Variants in MYCBPAP observed in about 807,000 individuals in gnomAD.
The protein encoded by MYCBPAP is MYCBP-associated protein.
A neutral mutation model predicts 106.1 loss-of-function variants in MYCBPAP; 60 were observed. The ratio of observed to expected loss-of-function variants is 0.57; its 90% CI spans 0.46 to 0.70. The LOEUF (loss-of-function observed/expected upper bound fraction) is 0.70. Ranked by LOEUF, MYCBPAP falls within the 30% of genes least tolerant of loss-of-function variation. The pLI, the probability that MYCBPAP is intolerant of heterozygous loss-of-function variation, is 0.00. For missense variants in MYCBPAP, 1,064 were observed against 1,169.3 expected (o/e 0.91, Z 1.31); for synonymous variants, 407 against 440.6 (o/e 0.92, Z 0.95).
intron 18 of MYCBPAP, among the ~76,000 whole-genome samples, 186 bp from the exon 19 acceptor site, chr17:50,531,141 G>T (rs1190943748): frequency 3.9e-5 from 4 of 103,650 alleles, no homozygotes; most frequent in Non-Finnish European, 7.6e-5. Flanking sequence ...GACAGAGTGA[G>T]ATCCTGTCAA....
chr17:50,508,116 G>C (rs2033680427), upstream of MYCBPAP, among the ~76,000 whole-genome samples: 1 of 145,600 alleles, frequency 6.9e-6, no homozygotes, highest in Admixed American at 6.8e-5. Context: ...CCACGAAGGG[G>C]TTTCAGCACG....
In MYCBPAP at chr17:50,523,705, G is replaced by C; in HGVS notation, c.1556G>C (p.Gly519Ala). 1.2e-6 allele frequency: 2 copies of C among 1,614,180 alleles called. No homozygotes were observed. The highest frequency in any genetic ancestry group is 1.7e-6 in the Non-Finnish European group (2 of 1,180,034). Reference protein sequence around the residue: ...WEFRTHPTLLGGAILQVNLHA... With the variant: ...WEFRTHPTLLAGAILQVNLHA... ...TTTCGAACCCATCCTACTCTATTAG[G>C]AGGTGCTATACTGCAGGTCAATCTC... The change falls in exon 12 of 19, where the codon GGA becomes GCA. Residue 519 changes from glycine to alanine, a missense_variant. Coordinates refer to ENST00000323776, the MANE Select transcript of MYCBPAP (RefSeq NM_032133.6).
In MYCBPAP at chr17:50,508,764, G is replaced by T. The variant is rs149713939; in HGVS notation, c.76+14G>T. ...AGAATGTCAAAGGTTGGCGCTGGCT[G>T]CCTTGGGCGCTCGGGAGAACCCGAG... On this transcript the variant is annotated intron_variant, in intron 1 of 18. Transcript: ENST00000323776. The T allele has an allele frequency of 6.2e-7, 1 of 1,603,214 alleles. No homozygotes were observed. The highest frequency in any genetic ancestry group is 8.5e-7 in the Non-Finnish European group (1 of 1,173,580).
intron 1 of MYCBPAP, among the ~76,000 whole-genome samples, chr17:50,510,581 C>G (rs1324790217): frequency 7.2e-5 from 10 of 139,754 alleles, no homozygotes; most frequent in African/African-American, 2.6e-4. Context: ...GATGGAGTGC[C>G]GTGGTACAGT....
chr17:50,525,051 CT>C (rs1290832134), intron 13 of MYCBPAP, 28 bp downstream of exon 13: 4 of 1,598,032 alleles, frequency 2.5e-6, no homozygotes, highest in African/African-American at 2.7e-5. Flanking sequence ...CCCCTGCCCC[CT>C]CATGTGTGCC....
chr17:50,511,961 C>A (rs1170341250), intron 1 of MYCBPAP, among the ~76,000 whole-genome samples: 1 of 152,072 alleles, frequency 6.6e-6, no homozygotes, highest in Admixed American at 6.6e-5. Context: ...AACCAAAGAT[C>A]AGATGCCTGA....
At chr17:50,508,142 TC>T (rs35865545), upstream of MYCBPAP, among the ~76,000 whole-genome samples, 83,879 of 151,616 alleles carry the variant, frequency 0.55, 25,890 homozygotes, top group African/African-American at 0.85. Flanking sequence ...AAAGGCCCGA[TC>T]CCCCCCCAGA....
intron 18 of MYCBPAP, 58 bp from the exon 19 acceptor site, chr17:50,531,269 A>G: frequency 8.6e-7 from 1 of 1,160,022 alleles, no homozygotes; most frequent in Non-Finnish European, 1.2e-6. Flanking sequence ...AGCATAGTTC[A>G]TATATAGGTG....
At position 50,508,540 on chromosome 17, in the gene MYCBPAP, C is replaced by T. The variant is rs746376121; in HGVS notation, c.-135C>T. On this transcript the variant is annotated 5_prime_UTR_variant, in exon 1 of 19. Coordinates refer to ENST00000323776, the MANE Select transcript of MYCBPAP (RefSeq NM_032133.6). Reference sequence around the variant, plus strand: ...CCAAGCCGTCTCCGCCCAAGTTGATCGGTGGATGCGCGCCCCCGCGCGGGG... The same window carrying T: ...CCAAGCCGTCTCCGCCCAAGTTGATTGGTGGATGCGCGCCCCCGCGCGGGG... 9 of 1,538,882 alleles carry T rather than the reference C, an allele frequency of 5.8e-6. No individual in the cohort carries two copies. The highest frequency in any genetic ancestry group is 8.7e-7 in the Non-Finnish European group (1 of 1,143,930).
intron 14 of MYCBPAP, 35 bp from the exon 15 acceptor site, chr17:50,527,252 G>A: frequency 6.2e-7 from 1 of 1,612,868 alleles, no homozygotes; most frequent in Non-Finnish European, 8.5e-7. Flanking sequence ...CAGCCTTGGT[G>A]TCCTGGTGCA....
Position 50,518,653 on chromosome 17 carries a change from C to T in MYCBPAP, c.581C>T (p.Pro194Leu). Residue 194 changes from proline to leucine, a missense_variant, in exon 5 of 19, where the codon CCT becomes CTT. Physicochemically the swap from Pro to Leu is moderately conservative, Grantham distance 98 (BLOSUM62 -3). Coordinates refer to ENST00000323776, the MANE Select transcript of MYCBPAP (RefSeq NM_032133.6). ...EEKRPPWAPP[P>L]QHNFLKNWQR... The stretch of plus-strand genomic sequence containing the variant: ...AAGAGACCTCCCTGGGCCCCACCTC[C>T]TCAGCACAACTTTCTGAAAAACTGG... 1 of 1,607,520 alleles carries T rather than the reference C, an allele frequency of 6.2e-7. No individual in the cohort carries two copies.
intron 13 of MYCBPAP, among the ~76,000 whole-genome samples, chr17:50,525,364 G>A (rs991326830): frequency 6.6e-6 from 1 of 152,244 alleles, no homozygotes; most frequent in South Asian, 2.1e-4. Context: ...AAAGGTTGGG[G>A]ACTGCTGCCC....
Position 50,523,122 on chromosome 17 carries a change from C to G in MYCBPAP, c.1441C>G (p.Arg481Gly), listed in dbSNP as rs758808311. ...GATGCAGCGATTTTACTTTGACAAC[C>G]GGGAAGGTACTCGGGAGAAGCCACC... Reference protein sequence around the residue: ...NRMQRFYFDNREGVILPGEIK... With the variant: ...NRMQRFYFDNGEGVILPGEIK... The change falls in exon 11 of 19, where the codon CGG (arginine) becomes GGG (glycine). Residue 481 changes from arginine to glycine, a missense_variant. Coordinates refer to ENST00000323776, the MANE Select transcript of MYCBPAP (RefSeq NM_032133.6). The G allele has an allele frequency of 3.7e-6, 6 of 1,613,188 alleles. No individual in the cohort carries two copies. The highest frequency in any genetic ancestry group is 1.7e-5 in the Admixed American group (1 of 59,994).
At position 50,529,237 on chromosome 17, in the gene MYCBPAP, T is replaced by C. The variant is rs144605600; in HGVS notation, c.2724+49T>C. ...ATTCCCCTGCCTCCCACCTGCCTTA[T>C]TCATTCCGTTCAGTCTGCAGACAAT... On this transcript the variant is annotated intron_variant, in intron 18 of 18. Coordinates refer to ENST00000323776, the MANE Select transcript of MYCBPAP (RefSeq NM_032133.6). 1.8e-3 allele frequency: 2,738 copies of C among 1,542,248 alleles called. 52 individuals carry two copies. In the African/African-American group the frequency reaches 0.033, roughly 19 times the overall value.
rs1482049208 is a variant in MYCBPAP at position 50,519,799 on chromosome 17, G to A, written c.916+12G>A. 2.5e-6 allele frequency: 4 copies of A among 1,611,750 alleles called. No individual in the cohort carries two copies. Among genetic ancestry groups the A allele is most frequent in the Non-Finnish European group, 3.4e-6 (4 of 1,179,174 alleles). On this transcript the variant is annotated intron_variant, in intron 7 of 18. Coordinates refer to ENST00000323776, the MANE Select transcript of MYCBPAP (RefSeq NM_032133.6). ...CCGGGTGGAGACAGGTGAGGCGCAG[G>A]GCTGTAAGCCAGCTAGCATCTTGTG...
At chr17:50,518,436 C>T (rs2034131967) in intron 4 of MYCBPAP, 105 bp from the exon 5 acceptor site, 2 of 981,456 alleles carry the variant, frequency 2.0e-6, no homozygotes, top group Non-Finnish European at 2.9e-6. Context: ...GAGGGACTCT[C>T]AGCGCAGTGG....
At chr17:50,527,906 C>A (rs1406565097) in intron 15 of MYCBPAP, among the ~76,000 whole-genome samples, 1 of 152,212 alleles carries the variant, frequency 6.6e-6, no homozygotes, top group East Asian at 1.9e-4. Flanking sequence ...TGAAGTAGGA[C>A]TGAATTCATG....
In MYCBPAP at chr17:50,521,230, G is replaced by C. The variant is rs527723018; in HGVS notation, c.1032+5G>C. The C allele has an allele frequency of 5.5e-5, 89 of 1,609,078 alleles. No individual in the cohort carries two copies. The highest frequency in any genetic ancestry group is 3.3e-4 in the Middle Eastern group (2 of 6,080). On this transcript the variant is annotated splice_donor_5th_base_variant and intron_variant, in intron 8 of 18. Coordinates refer to ENST00000323776, the MANE Select transcript of MYCBPAP (RefSeq NM_032133.6). ...GAGCTGGATTTCAGCCAGCAGGTTGGTATGGCCTCCATGCCCCAGTCAGAA... is the reference window on the plus strand; with the variant it reads ...GAGCTGGATTTCAGCCAGCAGGTTGCTATGGCCTCCATGCCCCAGTCAGAA...
upstream of MYCBPAP, among the ~76,000 whole-genome samples, chr17:50,507,802 T>C (rs1398272719): frequency 6.6e-6 from 1 of 152,178 alleles, no homozygotes; most frequent in African/African-American, 2.4e-5. Context: ...AGGCAGCTCC[T>C]GCTCTCATAC....
Sources: allele counts gnomAD v4.1 joint callset (sites outside exome capture counted in the v4.1 genomes callset), GRCh38; gene constraint gnomAD v4.1.1; transcripts MANE v1.5; gene names NCBI Gene and HGNC (gene_info 2026-07-23, HGNC 2026-07-21).